Variants in DLGAP2 observed in about 807,000 individuals in gnomAD.
The protein encoded by DLGAP2 is disks large-associated protein 2.
Under a neutral mutation model 100.3 loss-of-function variants are expected in DLGAP2, and 26 were observed. The ratio of observed to expected loss-of-function variants is 0.26; its 90% CI spans 0.19 to 0.36. The LOEUF (loss-of-function observed/expected upper bound fraction) is 0.36, where lower values mean the gene tolerates loss of function less well. DLGAP2 is among the 10% of genes least tolerant of loss of function. The pLI is 1.00. For synonymous variants in DLGAP2, 886 were observed against 630.1 expected (o/e 1.41, Z -6.08); for missense variants, 1,858 against 1,453.2 (o/e 1.28, Z -4.53).
chr8:1,681,054 A>T (rs562121522), intron 12 of DLGAP2, among the ~76,000 whole-genome samples: 12 of 152,258 alleles, frequency 7.9e-5, no homozygotes, highest in Non-Finnish European at 1.8e-4. Context: ...GAAAAAATTT[A>T]GGAGAGAGGA....
chr8:919,140 C>G (rs1349223364), intron 2 of DLGAP2, among the ~76,000 whole-genome samples: 1 of 152,154 alleles, frequency 6.6e-6, no homozygotes, highest in African/African-American at 2.4e-5. Context: ...GTAAAAAGTA[C>G]TTGGCATCTA....
intron 3 of DLGAP2, among the ~76,000 whole-genome samples, chr8:1,453,554 G>C (rs1199973721): frequency 1.3e-5 from 2 of 152,116 alleles, no homozygotes; most frequent in East Asian, 1.9e-4. Flanking sequence ...GATTATTCTT[G>C]AGTGCAGTCA....
chr8:988,616 C>T (rs1365418392), intron 2 of DLGAP2, among the ~76,000 whole-genome samples: 1 of 152,126 alleles, frequency 6.6e-6, no homozygotes, highest in Non-Finnish European at 1.5e-5. Flanking sequence ...GTCTGATGTC[C>T]CACCCCACGT....
At chr8:1,006,005 A>G (rs774384298) in intron 2 of DLGAP2, among the ~76,000 whole-genome samples, 1 of 152,078 alleles carries the variant, frequency 6.6e-6, no homozygotes, top group Non-Finnish European at 1.5e-5. Flanking sequence ...CCTGGCCAAC[A>G]TGGTGAAACC....
At chr8:1,303,256 G>T (rs1475528429) in intron 3 of DLGAP2, among the ~76,000 whole-genome samples, 1 of 152,136 alleles carries the variant, frequency 6.6e-6, no homozygotes, top group Non-Finnish European at 1.5e-5. Flanking sequence ...AACTAGCCGG[G>T]CGTGGTGGCG....
At chr8:1,481,945 C>T (rs922579986) in intron 3 of DLGAP2, among the ~76,000 whole-genome samples, 1 of 152,198 alleles carries the variant, frequency 6.6e-6, no homozygotes, top group Non-Finnish European at 1.5e-5. Context: ...GCCAGGGTCC[C>T]CCCGTGGAGA....
intron 3 of DLGAP2, among the ~76,000 whole-genome samples, chr8:1,392,277 G>C (rs752529711): frequency 6.6e-6 from 1 of 152,116 alleles, no homozygotes; most frequent in East Asian, 1.9e-4. Context: ...ATCCCAGGTC[G>C]AGGCGCAGTC....
intron 3 of DLGAP2, among the ~76,000 whole-genome samples, chr8:1,458,862 C>T (rs529619054): frequency 2.1e-4 from 32 of 152,310 alleles, no homozygotes; most frequent in Non-Finnish European, 4.1e-4. Context: ...CGGGCGTCCC[C>T]ATGATATGGG....
intron 2 of DLGAP2, among the ~76,000 whole-genome samples, chr8:1,133,134 C>T (rs1346936669): frequency 2.0e-5 from 3 of 152,176 alleles, no homozygotes; most frequent in East Asian, 3.9e-4. Flanking sequence ...ATCTCTGGAG[C>T]ATTAGCTTCC....
At chr8:1,346,733 C>G (rs1048227731) in intron 3 of DLGAP2, among the ~76,000 whole-genome samples, 7 of 131,402 alleles carry the variant, frequency 5.3e-5, no homozygotes, top group African/African-American at 2.0e-4. Flanking sequence ...TCATACAGAG[C>G]TGAATTGCAC....
At chr8:1,157,392 A>C (rs1415703375) in intron 2 of DLGAP2, among the ~76,000 whole-genome samples, 1 of 152,156 alleles carries the variant, frequency 6.6e-6, no homozygotes, top group Non-Finnish European at 1.5e-5. Flanking sequence ...GTTGTTTTTA[A>C]GAGTACATGC....
At chr8:1,493,798 T>G (rs1010373039) in intron 3 of DLGAP2, among the ~76,000 whole-genome samples, 2 of 151,988 alleles carry the variant, frequency 1.3e-5, no homozygotes, top group Non-Finnish European at 2.9e-5. Flanking sequence ...ACGTCAGGGG[T>G]AGATGCGGAA....
chr8:957,697 G>A (rs929621326), intron 2 of DLGAP2, among the ~76,000 whole-genome samples: 1 of 152,158 alleles, frequency 6.6e-6, no homozygotes, highest in African/African-American at 2.4e-5. Flanking sequence ...ACCCTTGTCA[G>A]TCTAGTTTTA....
chr8:952,605 C>G (rs971664572), intron 2 of DLGAP2, among the ~76,000 whole-genome samples: 4 of 151,870 alleles, frequency 2.6e-5, no homozygotes, highest in South Asian at 2.1e-4. Context: ...CCACTGTACT[C>G]CAGCCTGGGT....
chr8:1,684,962 C>T (rs972497799), intron 12 of DLGAP2, among the ~76,000 whole-genome samples: 1 of 152,124 alleles, frequency 6.6e-6, no homozygotes, highest in African/African-American at 2.4e-5. Context: ...GAATAACCTA[C>T]ATGTTCACCG....
intron 3 of DLGAP2, among the ~76,000 whole-genome samples, chr8:1,407,729 G>C (rs1395632566): frequency 1.5e-5 from 2 of 129,216 alleles, no homozygotes; most frequent in Admixed American, 1.5e-4. Flanking sequence ...AGTGCTTACT[G>C]AGCGCCAGCT....
At chr8:1,355,800 C>G (rs1174918139) in intron 3 of DLGAP2, among the ~76,000 whole-genome samples, 1 of 152,164 alleles carries the variant, frequency 6.6e-6, no homozygotes, top group Non-Finnish European at 1.5e-5. Flanking sequence ...TCCCACAACC[C>G]CCACCCCACG....
At chr8:1,028,335 C>T (rs9693245) in intron 2 of DLGAP2, among the ~76,000 whole-genome samples, 1 of 48,696 alleles carries the variant, frequency 2.1e-5, no homozygotes, top group Non-Finnish European at 3.9e-5. Flanking sequence ...TTCTCCAGGT[C>T]GGGTGTCAGG....
At chr8:795,831 AGCAGCTGTCCGGT>A (rs1796019465) in intron 1 of DLGAP2, among the ~76,000 whole-genome samples, 3 of 140,992 alleles carry the variant, frequency 2.1e-5, no homozygotes, top group Non-Finnish European at 3.1e-5. Flanking sequence ...GTCCGGTGAG[AGCAGCTGTCCGGT>A]GAGAGCAGGC....
Sources: allele counts gnomAD v4.1 joint callset (sites outside exome capture counted in the v4.1 genomes callset), GRCh38; gene constraint gnomAD v4.1.1; transcripts MANE v1.5; gene names NCBI Gene and HGNC (gene_info 2026-07-23, HGNC 2026-07-21).